The following RBFOX1 variants were observed in gnomAD, a reference collection of about 807,000 sequenced individuals.
RBFOX1 encodes the protein RNA binding protein fox-1 homolog 1.
Under a neutral mutation model 57.7 loss-of-function variants are expected in RBFOX1, and 8 were observed. The ratio of observed to expected loss-of-function variants is 0.14; its 90% CI spans 0.08 to 0.25. RBFOX1 has a LOEUF of 0.25. RBFOX1 is among the 10% of genes least tolerant of loss of function. The pLI is 1.00. For missense variants in RBFOX1, 611 were observed against 548.5 expected (o/e 1.11, Z -1.14); for synonymous variants, 326 against 222.4 (o/e 1.47, Z -4.15).
At chr16:5,681,214 C>G (rs922603535) in intron 3 of RBFOX1, among the ~76,000 whole-genome samples, 1 of 150,986 alleles carries the variant, frequency 6.6e-6, no homozygotes, top group Non-Finnish European at 1.5e-5. Flanking sequence ...GCTGGGATCA[C>G]AGGTGCCTGC....
chr16:6,187,463 C>T (rs2097112415), intron 1 of RBFOX1, among the ~76,000 whole-genome samples: 1 of 152,130 alleles, frequency 6.6e-6, no homozygotes, highest in Non-Finnish European at 1.5e-5. Context: ...TCAGACAGCT[C>T]AGCATTTTCT....
chr16:5,798,623 T>G (rs1440470365), intron 3 of RBFOX1, among the ~76,000 whole-genome samples: 1 of 152,230 alleles, frequency 6.6e-6, no homozygotes, highest in South Asian at 2.1e-4. Context: ...TCTGGATCAC[T>G]CACCTATATG....
chr16:7,078,889 T>TTTTTTTG (rs1555454750), intron 4 of RBFOX1, among the ~76,000 whole-genome samples: 3 of 141,538 alleles, frequency 2.1e-5, no homozygotes, highest in Non-Finnish European at 3.0e-5. Flanking sequence ...TTTTTTTTTT[T>TTTTTTTG]AGTGAAGATG....
chr16:6,701,473 T>G (rs189624960), intron 3 of RBFOX1, among the ~76,000 whole-genome samples: 2 of 152,340 alleles, frequency 1.3e-5, no homozygotes, highest in African/African-American at 4.8e-5. Context: ...AAAGGTTTAT[T>G]TGACTCTTAG....
chr16:6,503,204 CAT>C (rs762871089), intron 2 of RBFOX1, among the ~76,000 whole-genome samples: 1 of 151,784 alleles, frequency 6.6e-6, no homozygotes, highest in African/African-American at 2.4e-5. Flanking sequence ...GTTTTCATAA[CAT>C]TTTTTTAATA....
intron 14 of RBFOX1, among the ~76,000 whole-genome samples, chr16:7,701,346 C>G (rs1166376705): frequency 6.6e-6 from 1 of 152,276 alleles, no homozygotes; most frequent in East Asian, 1.9e-4. Context: ...CAGCCGCCCC[C>G]TCTCACTCAC....
chr16:6,589,489 C>G (rs146973093), intron 2 of RBFOX1, among the ~76,000 whole-genome samples: 10 of 152,256 alleles, frequency 6.6e-5, no homozygotes, highest in African/African-American at 2.2e-4. Flanking sequence ...ACCAGATGAG[C>G]CAGTTGATCC....
At chr16:6,548,833 T>C (rs1443314466) in intron 2 of RBFOX1, among the ~76,000 whole-genome samples, 1 of 151,910 alleles carries the variant, frequency 6.6e-6, no homozygotes, top group Non-Finnish European at 1.5e-5. Context: ...CCTAGCACTT[T>C]GGGAGGCCAA....
intron 3 of RBFOX1, among the ~76,000 whole-genome samples, chr16:6,989,454 G>A (rs1446535998): frequency 6.6e-6 from 1 of 151,908 alleles, no homozygotes; most frequent in Non-Finnish European, 1.5e-5. Flanking sequence ...CCACATATTG[G>A]TACCTGTAAG....
rs181331363 is a variant in RBFOX1 at position 7,258,017 on chromosome 16, A to T, written c.27+205919A>T. ...ACAACTCTGACATTTGAGATGTTCA[A>T]TGTAATCAGCACAACTGGTAGCTTT... On this transcript the variant is annotated intron_variant, in intron 4 of 15. Transcript: ENST00000550418. 2.0e-5 allele frequency among the ~76,000 whole-genome samples: 3 copies of T among 152,368 alleles called. No individual in the cohort carries two copies. In the East Asian group the frequency reaches 5.8e-4, roughly 29 times the overall value.
intron 1 of RBFOX1, among the ~76,000 whole-genome samples, chr16:6,087,368 A>G (rs2096102408): frequency 6.6e-6 from 1 of 152,164 alleles, no homozygotes; most frequent in Non-Finnish European, 1.5e-5. Flanking sequence ...ATATATATAT[A>G]TATGTATATG....
chr16:6,889,191 T>C (rs1385262388), intron 3 of RBFOX1, among the ~76,000 whole-genome samples: 2 of 152,320 alleles, frequency 1.3e-5, no homozygotes, highest in Non-Finnish European at 2.9e-5. Context: ...ACTGAGTTCA[T>C]TGTGAGCCAC....
chr16:7,557,892 A>G (rs1230804310), intron 5 of RBFOX1, among the ~76,000 whole-genome samples: 1 of 152,080 alleles, frequency 6.6e-6, no homozygotes, highest in Non-Finnish European at 1.5e-5. Context: ...ATGCCTCGTC[A>G]CTGAACACAG....
intron 3 of RBFOX1, among the ~76,000 whole-genome samples, chr16:6,815,303 C>T (rs1281901934): frequency 6.6e-6 from 1 of 152,070 alleles, no homozygotes; most frequent in Non-Finnish European, 1.5e-5. Context: ...ATTTTATTTT[C>T]TAGGTCTTTG....
chr16:5,814,987 C>CT (rs1381192536), intron 3 of RBFOX1, among the ~76,000 whole-genome samples: 25 of 151,002 alleles, frequency 1.7e-4, no homozygotes, highest in African/African-American at 6.1e-4. Context: ...TATTTTCTTT[C>CT]TTTCTTTTTT....
chr16:7,108,283 A>G (rs1316347603), intron 4 of RBFOX1, among the ~76,000 whole-genome samples: 7 of 152,182 alleles, frequency 4.6e-5, no homozygotes, highest in South Asian at 2.1e-4. Flanking sequence ...AGCTCAACAT[A>G]TATGCTCACA....
Position 5,471,508 on chromosome 16 carries a change from A to T in RBFOX1, c.258+4254A>T, listed in dbSNP as rs550421896. On this transcript the variant is annotated intron_variant, in intron 2 of 2. Transcript: ENST00000585867. Reference sequence around the variant, plus strand: ...GGCAGCCCAGGAAGCTGAAGATGAGACCCTTCCCAGGTGGGAAGGAGAAGA... The same window carrying T: ...GGCAGCCCAGGAAGCTGAAGATGAGTCCCTTCCCAGGTGGGAAGGAGAAGA... Among the ~76,000 whole-genome samples the T allele has an allele frequency of 3.9e-5, 6 of 151,996 alleles. No individual in the cohort carries two copies. In the East Asian group the frequency reaches 7.8e-4, roughly 20 times the overall value.
At chr16:7,139,829 T>G (rs1032915037) in intron 4 of RBFOX1, among the ~76,000 whole-genome samples, 3 of 152,048 alleles carry the variant, frequency 2.0e-5, no homozygotes, top group African/African-American at 7.2e-5. Flanking sequence ...AAGACAAGCA[T>G]TCATGTCTTA....
intron 1 of RBFOX1, chr16:5,260,555 A>G (rs533955854): frequency 1.3e-5 from 2 of 152,382 alleles, no homozygotes; most frequent in South Asian, 4.1e-4. Context: ...AGAACATCTA[A>G]GAAACCAAAG....
Sources: gnomAD v4.1 joint callset for allele counts (sites outside exome capture counted in the v4.1 genomes callset) on GRCh38, gnomAD v4.1.1 for gene constraint, MANE v1.5 for transcripts, NCBI Gene and HGNC (gene_info 2026-07-23, HGNC 2026-07-21) for gene names.